Variants in SCARB1 observed in about 807,000 individuals in gnomAD.
SCARB1 encodes the protein scavenger receptor class B member 1.
Under a neutral mutation model 57.2 loss-of-function variants are expected in SCARB1, and 30 were observed. The ratio of observed to expected loss-of-function variants is 0.52; its 90% CI spans 0.39 to 0.71. SCARB1 has a LOEUF of 0.71. Ranked by LOEUF, SCARB1 falls within the 30% of genes least tolerant of loss-of-function variation. The pLI, the probability that SCARB1 is intolerant of heterozygous loss-of-function variation, is 0.00. For missense variants in SCARB1, 543 were observed against 671.2 expected, an observed-to-expected ratio of 0.81 and a Z score of 2.11; for synonymous variants, 249 against 268.3, an observed-to-expected ratio of 0.93 and a Z score of 0.70.
intron 11 of SCARB1, 66 bp downstream of exon 11, chr12:124,786,291 G>A: frequency 6.2e-7 from 1 of 1,605,650 alleles, no homozygotes; most frequent in Non-Finnish European, 8.5e-7. Flanking sequence ...TCCGATCTGA[G>A]GCCCCTTTCC....
intron 1 of SCARB1, chr12:124,821,481 C>T (rs1199231880): frequency 4.7e-6 from 4 of 847,292 alleles, no homozygotes; most frequent in Non-Finnish European, 2.8e-6. Flanking sequence ...GTCTCAATCT[C>T]TCTCTCTCTC....
In SCARB1 at chr12:124,796,416, G is replaced by A. The variant is rs979943324; in HGVS notation, c.1129-1148C>T. 1.3e-5 allele frequency among the ~76,000 whole-genome samples: 2 copies of A among 151,716 alleles called. No homozygotes were observed. The highest frequency in any genetic ancestry group is 3.9e-4 in the East Asian group (2 of 5,192). ...TTTTTAACGAGACTTTTTTTTTTAAGTAAATAACCGAAGTGACACACATGT... is the reference window on the plus strand; with the variant it reads ...TTTTTAACGAGACTTTTTTTTTTAAATAAATAACCGAAGTGACACACATGT... On this transcript the variant is annotated intron_variant, in intron 8 of 12. Coordinates refer to ENST00000261693, the MANE Select transcript of SCARB1 (RefSeq NM_005505.5). The surrounding 1 kb of genome is among the most constrained non-coding windows in gnomAD (Gnocchi z 4.0).
Position 124,817,821 on chromosome 12 carries a change from G to A in SCARB1, c.127-114C>T. On this transcript the variant is annotated intron_variant, in intron 1 of 12. Transcript: ENST00000261693. This position sits in a 1 kb window ranked among gnomAD's most constrained non-coding sequence, Gnocchi z 4.8. The stretch of plus-strand genomic sequence containing the variant: ...GGCCAGGGAAGGGGCTCCTCGGCGG[G>A]AGCTTGGGATAGGAGGTGGTGGGAA... 1 of 1,138,698 alleles carries A rather than the reference G, an allele frequency of 8.8e-7. No individual in the cohort carries two copies. The highest frequency in any genetic ancestry group is 1.3e-6 in the Non-Finnish European group (1 of 750,412). 70.5% of individuals were successfully genotyped at this position (1,138,698 alleles called of 1,614,324 possible). A position where few individuals can be genotyped will look rare whatever the true frequency, so the allele number is the denominator to read the frequency against.
intron 10 of SCARB1, among the ~76,000 whole-genome samples, chr12:124,786,888 C>T (rs188389724): frequency 6.6e-6 from 1 of 152,338 alleles, no homozygotes; most frequent in East Asian, 1.9e-4. Flanking sequence ...ACTTCAGATT[C>T]GGCTGTGAGT....
At chr12:124,852,187 C>T (rs1012782980) in intron 1 of SCARB1, among the ~76,000 whole-genome samples, 5 of 152,156 alleles carry the variant, frequency 3.3e-5, no homozygotes, top group Non-Finnish European at 7.3e-5. Flanking sequence ...TTTATACACC[C>T]GCATCCCTTC....
rs189714483 is a variant in SCARB1, at chr12:124,858,594, T to G, written c.126+5001A>C. Among the ~76,000 whole-genome samples the G allele has an allele frequency of 3.2e-3, 481 of 151,958 alleles. 3 individuals are homozygous for G. The highest frequency in any genetic ancestry group is 0.011 in the African/African-American group (456 of 41,430). On this transcript the variant is annotated intron_variant, in intron 1 of 12. Transcript: ENST00000261693. ...GTAATTTTTTTTTTAAGAGATGGGA[T>G]TTTGGCCGGGCGCGGTGGCTCACAC...
At chr12:124,811,514 C>CA in intron 5 of SCARB1, among the ~76,000 whole-genome samples, 1 of 152,072 alleles carries the variant, frequency 6.6e-6, no homozygotes, top group African/African-American at 2.4e-5. Context: ...CTCAGGTGAT[C>CA]CCCCCCACCT....
At position 124,778,519 on chromosome 12, in the gene SCARB1, G is replaced by T; in HGVS notation, c.*68C>A. On this transcript the variant is annotated 3_prime_UTR_variant, in exon 13 of 13. Coordinates refer to ENST00000261693, the MANE Select transcript of SCARB1 (RefSeq NM_005505.5). ...GCTGGGAGAGTCCGGGAGAAGCGGG[G>T]TGTAGGGGCTGGGGGGCCGGTCAGG... 5 of 1,370,130 alleles carry T rather than the reference G, an allele frequency of 3.6e-6. No individual in the cohort carries two copies. Among genetic ancestry groups the T allele is most frequent in the East Asian group, 3.1e-5 (1 of 32,704 alleles). The allele number at this position is 1,370,130 out of a possible 1,614,324, so 84.9% of individuals were successfully genotyped here.
intron 1 of SCARB1, among the ~76,000 whole-genome samples, chr12:124,835,558 C>T (rs1951613778): frequency 6.6e-6 from 1 of 152,148 alleles, no homozygotes; most frequent in Non-Finnish European, 1.5e-5. Context: ...ACGTGAGACA[C>T]TGCACCCAGC....
chr12:124,845,205 G>A (rs996767316), intron 1 of SCARB1, among the ~76,000 whole-genome samples: 2 of 152,086 alleles, frequency 1.3e-5, no homozygotes, highest in African/African-American at 2.4e-5. Flanking sequence ...CACCGCTCCC[G>A]GCAGCCACCA....
At chr12:124,852,877 C>T (rs1424292304) in intron 1 of SCARB1, among the ~76,000 whole-genome samples, 2 of 152,188 alleles carry the variant, frequency 1.3e-5, no homozygotes, top group African/African-American at 2.4e-5. Flanking sequence ...CCCATCTCTA[C>T]TAAAAATACC....
chr12:124,815,625 G>A (rs781523723), intron 2 of SCARB1, among the ~76,000 whole-genome samples: 1 of 152,174 alleles, frequency 6.6e-6, no homozygotes, highest in African/African-American at 2.4e-5. Context: ...CAGCACTTTG[G>A]GAGGCTGAGG....
At chr12:124,779,766 C>T (rs951628553) in intron 12 of SCARB1, among the ~76,000 whole-genome samples, 2 of 152,100 alleles carry the variant, frequency 1.3e-5, no homozygotes, top group African/African-American at 4.8e-5. Context: ...GGCTGGAAAC[C>T]GCTGCCCACC....
At position 124,814,985 on chromosome 12, in the gene SCARB1, G is replaced by A; in HGVS notation, c.414C>T (p.Asn138=). 1 of 1,614,208 alleles carries A rather than the reference G, an allele frequency of 6.2e-7. No homozygotes were observed. Among genetic ancestry groups the A allele is most frequent in the Non-Finnish European group, 8.5e-7 (1 of 1,180,036 alleles). ...AGGGCAGCCTCACCAAGACCAGGAT[G>A]TTGGGCATGACGATGTAGTCGCTCT... The part of the protein sequence containing the change: ...GSESDYIVMP[N]ILVLGAAVMM... Residue 138 remains asparagine (N), a synonymous_variant, in exon 3 of 13, where the codon AAC becomes AAT. Transcript: ENST00000261693. This position sits in a 1 kb window ranked among gnomAD's most constrained non-coding sequence, Gnocchi z 4.7.
At chr12:124,823,424 A>G (rs1273070946) in intron 1 of SCARB1, among the ~76,000 whole-genome samples, 1 of 152,216 alleles carries the variant, frequency 6.6e-6, no homozygotes, top group Admixed American at 6.5e-5. Context: ...CAAAGTCACA[A>G]TGGGCCACCA....
intron 1 of SCARB1, among the ~76,000 whole-genome samples, chr12:124,845,927 G>GC (rs1298758456): frequency 6.6e-6 from 1 of 151,744 alleles, no homozygotes; most frequent in Non-Finnish European, 1.5e-5. Flanking sequence ...CAGAAGAATC[G>GC]CTTGAACCCG....
intron 1 of SCARB1, among the ~76,000 whole-genome samples, chr12:124,834,827 G>C (rs867967969): frequency 3.9e-5 from 6 of 152,244 alleles, no homozygotes; most frequent in Middle Eastern, 3.4e-3. Flanking sequence ...AGGATTGCTT[G>C]GGCCCAGAAG....
chr12:124,780,827 C>T (rs912683224), intron 12 of SCARB1, among the ~76,000 whole-genome samples: 6 of 152,180 alleles, frequency 3.9e-5, no homozygotes, highest in Non-Finnish European at 1.5e-5. Context: ...AAGTGAAAAG[C>T]TCCCTGCTCT....
At chr12:124,819,614 A>G (rs1208683349) in intron 1 of SCARB1, among the ~76,000 whole-genome samples, 1 of 152,118 alleles carries the variant, frequency 6.6e-6, no homozygotes, top group Non-Finnish European at 1.5e-5. Context: ...ACACCACGTC[A>G]GAGCCCGGCA....
Sources: gnomAD v4.1 joint callset for allele counts (sites outside exome capture counted in the v4.1 genomes callset) on GRCh38, gnomAD v4.1.1 for gene constraint, Gnocchi (gnomAD v3.1) non-coding constraint, MANE v1.5 for transcripts, NCBI Gene and HGNC (gene_info 2026-07-23, HGNC 2026-07-21) for gene names.